CASP4: variants seen among roughly 807,000 people sequenced by gnomAD.
The protein encoded by CASP4 is caspase 4.
In CASP4, 29 loss-of-function variants were observed where a neutral mutation model predicts 41.3. The observed-to-expected ratio is 0.70, with a 90% CI of 0.52 to 0.96. The LOEUF is 0.96. Among genes scored for constraint, CASP4 ranks in the 40% least tolerant of loss-of-function variants. CASP4 has a pLI of 0.00. For missense variants in CASP4, 447 were observed against 460.6 expected (o/e 0.97, Z 0.27); for synonymous variants, 185 against 158.4 (o/e 1.17, Z -1.26).
At chr11:104,960,820 C>G (rs945881663) in intron 1 of CASP4, among the ~76,000 whole-genome samples, 7 of 152,068 alleles carry the variant, frequency 4.6e-5, no homozygotes, top group African/African-American at 1.4e-4. Context: ...GCCTACTTAT[C>G]TCTATCCACT....
At chr11:104,965,792 T>G (rs986067680) in intron 1 of CASP4, among the ~76,000 whole-genome samples, 3 of 152,202 alleles carry the variant, frequency 2.0e-5, no homozygotes, top group Non-Finnish European at 2.9e-5. Context: ...AGAATTGGAA[T>G]GTCCCCATTG....
At position 104,950,081 on chromosome 11, in the gene CASP4, T is replaced by C. The variant is rs541505814; in HGVS notation, c.547-304A>G. ...CTATCTCCTTACCTAGCAAGTCATG[T>C]GTTATAAATGCAACACACCATGTTC... On this transcript the variant is annotated intron_variant, in intron 4 of 8. Transcript: ENST00000444739. 5.9e-5 allele frequency among the ~76,000 whole-genome samples: 9 copies of C among 152,294 alleles called. No individual in the cohort carries two copies. The South Asian group carries it at 1.7e-3, about 28-fold the overall frequency.
At chr11:104,944,465 T>C in intron 8 of CASP4, 1 of 334,102 alleles carries the variant, frequency 3.0e-6, no homozygotes. Flanking sequence ...AGCATGAGCA[T>C]GTTTCTATTT....
At chr11:104,956,738 A>G in intron 1 of CASP4, 1 of 531,754 alleles carries the variant, frequency 1.9e-6, no homozygotes, top group Non-Finnish European at 2.4e-6. Context: ...AACATCAGGT[A>G]CAGATGTTGC....
chr11:104,959,419 T>C (rs934823376), intron 1 of CASP4, among the ~76,000 whole-genome samples: 3 of 152,168 alleles, frequency 2.0e-5, no homozygotes, highest in African/African-American at 7.2e-5. Flanking sequence ...AGGTTGTACA[T>C]AGAAAATATG....
intron 4 of CASP4, 146 bp from the exon 5 acceptor site, chr11:104,949,923 T>A: frequency 1.4e-6 from 1 of 723,366 alleles, no homozygotes; most frequent in Non-Finnish European, 2.3e-6. Flanking sequence ...GACAGCTGTT[T>A]AATGGTTTTA....
intron 1 of CASP4, among the ~76,000 whole-genome samples, chr11:104,964,640 A>G (rs1860933365): frequency 6.6e-6 from 1 of 152,212 alleles, no homozygotes; most frequent in African/African-American, 2.4e-5. Context: ...CAGAGCCAAT[A>G]AAAGCCCCTT....
intron 8 of CASP4, chr11:104,943,189 TCCTGTCTCGCTCAGA>T (rs937654804): frequency 1.2e-5 from 4 of 328,828 alleles, no homozygotes; most frequent in Non-Finnish European, 6.0e-6. Flanking sequence ...TAGAAAGGCT[TCCTGTCTCGCTCAGA>T]TAATAATTTT....
Position 104,951,784 on chromosome 11 carries a change from ATGGT to A in CASP4, c.372+108_372+111del, listed in dbSNP as rs1479371107. The stretch of plus-strand genomic sequence containing the variant: ...TCCCTTAGTAAAAGCATTATTGAAA[ATGGT>A]TACTGTCATCCCCACCCCCAATCAT... On this transcript the variant is annotated intron_variant, in intron 3 of 8. Transcript: ENST00000444739. 4.1e-6 allele frequency: 3 copies of A among 730,156 alleles called. No individual in the cohort carries two copies. In the African/African-American group the frequency reaches 5.2e-5, roughly 13 times the overall value. The allele number at this position is 730,156 out of a possible 1,614,324, so 45.2% of individuals were successfully genotyped here. A position where few individuals can be genotyped will look rare whatever the true frequency, so the allele number is the denominator to read the frequency against.
chr11:104,965,542 A>G (rs534756295), intron 1 of CASP4, among the ~76,000 whole-genome samples: 1 of 152,348 alleles, frequency 6.6e-6, no homozygotes, highest in South Asian at 2.1e-4. Flanking sequence ...TGAAAGAAAT[A>G]AGACCTAACC....
intron 7 of CASP4, among the ~76,000 whole-genome samples, chr11:104,945,283 T>A (rs1432701822): frequency 6.7e-6 from 1 of 148,438 alleles, no homozygotes; most frequent in African/African-American, 2.5e-5. Context: ...GATGGAGTCT[T>A]GCACTGTTGC....
intron 2 of CASP4, 104 bp downstream of exon 2, chr11:104,954,643 T>G: frequency 1.9e-6 from 2 of 1,068,338 alleles, no homozygotes; most frequent in East Asian, 2.4e-5. Flanking sequence ...AATGATAGTT[T>G]AGGAAGGGAA....
chr11:104,961,170 T>C (rs1860850055), intron 1 of CASP4, among the ~76,000 whole-genome samples: 1 of 152,228 alleles, frequency 6.6e-6, no homozygotes, highest in Non-Finnish European at 1.5e-5. Context: ...GGGGGCTGGC[T>C]CTGGTACTCT....
intron 1 of CASP4, among the ~76,000 whole-genome samples, chr11:104,960,775 T>C (rs374810841): frequency 6.6e-6 from 1 of 151,430 alleles, no homozygotes; most frequent in Non-Finnish European, 1.5e-5. Context: ...ACATCCAGCC[T>C]TTTTTTTTAT....
intron 5 of CASP4, 99 bp downstream of exon 5, chr11:104,949,444 T>C: frequency 8.1e-7 from 1 of 1,242,126 alleles, no homozygotes; most frequent in South Asian, 1.2e-5. Context: ...TTATTTACAC[T>C]GGATGAGGTT....
intron 3 of CASP4, 115 bp from the exon 4 acceptor site, chr11:104,951,213 G>A: frequency 1.2e-6 from 1 of 805,196 alleles, no homozygotes; most frequent in Non-Finnish European, 1.9e-6. Flanking sequence ...GCTCTAACTT[G>A]TATCAAAAGA....
intron 1 of CASP4, among the ~76,000 whole-genome samples, chr11:104,962,579 C>T (rs759265223): frequency 2.0e-5 from 3 of 152,112 alleles, no homozygotes; most frequent in Non-Finnish European, 4.4e-5. Context: ...TATAATGGGT[C>T]CCTGAAACCA....
At chr11:104,953,659 G>A (rs867417431) in intron 2 of CASP4, among the ~76,000 whole-genome samples, 2 of 152,208 alleles carry the variant, frequency 1.3e-5, no homozygotes, top group South Asian at 4.1e-4. Context: ...ATTTGATATA[G>A]TGAGGTCTCA....
chr11:104,959,601 T>C (rs2134652995), intron 1 of CASP4, among the ~76,000 whole-genome samples: 1 of 152,334 alleles, frequency 6.6e-6, no homozygotes, highest in African/African-American at 2.4e-5. Context: ...ATACATTCAA[T>C]AGACAATGAG....
Sources: gnomAD v4.1 joint callset for allele counts (sites outside exome capture counted in the v4.1 genomes callset) on GRCh38, gnomAD v4.1.1 for gene constraint, MANE v1.5 for transcripts, NCBI Gene and HGNC (gene_info 2026-07-23, HGNC 2026-07-21) for gene names.